LINGO2: variants seen among roughly 807,000 people sequenced by gnomAD.
LINGO2 encodes leucine rich repeat and Ig domain containing 2, also known as leucine-rich repeat and immunoglobulin-like domain-containing nogo receptor-interacting protein 2.
LINGO2 carries 14 observed loss-of-function variants against 30.6 expected under a neutral mutation model. The observed-to-expected ratio is 0.46, with a 90% confidence interval of 0.30 to 0.72. The LOEUF (loss-of-function observed/expected upper bound fraction) is 0.72. Ranked by LOEUF, LINGO2 falls within the 30% of genes least tolerant of loss-of-function variation. LINGO2 has a pLI of 0.07. For synonymous variants in LINGO2, 317 were observed against 288.5 expected (o/e 1.10, Z -1.00); for missense variants, 729 against 751.7 (o/e 0.97, Z 0.35).
intron 4 of LINGO2, among the ~76,000 whole-genome samples, chr9:28,205,324 C>A (rs963510196): frequency 6.6e-6 from 1 of 152,260 alleles, no homozygotes; most frequent in East Asian, 1.9e-4. Context: ...ACCTGGAATT[C>A]CTTTCCCCCA....
chr9:28,054,983 T>G (rs1232627488), intron 4 of LINGO2, among the ~76,000 whole-genome samples: 1 of 152,008 alleles, frequency 6.6e-6, no homozygotes, highest in Non-Finnish European at 1.5e-5. Flanking sequence ...TACATAAGCT[T>G]TACTGAAATT....
intron 1 of LINGO2, among the ~76,000 whole-genome samples, chr9:28,659,750 A>G (rs1374871133): frequency 6.6e-6 from 1 of 152,142 alleles, no homozygotes; most frequent in African/African-American, 2.4e-5. Context: ...TGCTTGGCCA[A>G]TGGCTGACTT....
chr9:28,738,579 A>G, the LINGO2 span, among the ~76,000 whole-genome samples: 1 of 152,112 alleles, frequency 6.6e-6, no homozygotes, highest in Non-Finnish European at 1.5e-5. Context: ...ATAAAATTTG[A>G]CAACAGAAAA....
intron 5 of LINGO2, among the ~76,000 whole-genome samples, chr9:27,983,368 A>G (rs923106059): frequency 1.3e-5 from 2 of 151,874 alleles, no homozygotes; most frequent in African/African-American, 4.8e-5. Flanking sequence ...CCTTAACGGA[A>G]AAGAGGCACA....
At chr9:27,993,202 A>G (rs964456963) in intron 5 of LINGO2, among the ~76,000 whole-genome samples, 5 of 152,082 alleles carry the variant, frequency 3.3e-5, no homozygotes, top group African/African-American at 1.2e-4. Context: ...TTAAATTGGT[A>G]ATTTTCCCCC....
At chr9:29,036,454 G>T in the LINGO2 span, among the ~76,000 whole-genome samples, 1 of 151,898 alleles carries the variant, frequency 6.6e-6, no homozygotes, top group South Asian at 2.1e-4. Context: ...TGAACTATGA[G>T]AAATAAATTA....
chr9:28,998,308 A>G, the LINGO2 span, among the ~76,000 whole-genome samples: 19 of 152,182 alleles, frequency 1.2e-4, no homozygotes, highest in Non-Finnish European at 8.8e-5. Context: ...ATGTGGGGAT[A>G]AGACGGGCAA....
the LINGO2 span, among the ~76,000 whole-genome samples, chr9:28,850,885 T>C: frequency 1.3e-5 from 2 of 152,048 alleles, no homozygotes; most frequent in Non-Finnish European, 2.9e-5. Flanking sequence ...TTTGAACATG[T>C]AGCATGTGTC....
chr9:28,705,274 T>A, the LINGO2 span, among the ~76,000 whole-genome samples: 34 of 152,188 alleles, frequency 2.2e-4, 1 homozygote, highest in African/African-American at 7.2e-4. Flanking sequence ...GAAATTATAG[T>A]AAATAGGCCT....
intron 4 of LINGO2, among the ~76,000 whole-genome samples, chr9:28,060,915 T>C (rs1370571604): frequency 6.6e-6 from 1 of 152,082 alleles, no homozygotes; most frequent in East Asian, 1.9e-4. Context: ...ACAGATACGC[T>C]GTTTCTTCTT....
intron 1 of LINGO2, among the ~76,000 whole-genome samples, chr9:28,578,281 G>C (rs1440008055): frequency 6.6e-6 from 1 of 152,110 alleles, no homozygotes; most frequent in East Asian, 1.9e-4. Flanking sequence ...GAGTTGAGGT[G>C]GGGAGGTGGG....
chr9:28,563,745 A>T (rs749527647), intron 1 of LINGO2, among the ~76,000 whole-genome samples: 39 of 152,056 alleles, frequency 2.6e-4, no homozygotes, highest in Non-Finnish European at 5.0e-4. Flanking sequence ...CTTTGTGGAG[A>T]CTATGATGCT....
At chr9:28,758,450 C>G in the LINGO2 span, among the ~76,000 whole-genome samples, 13 of 152,108 alleles carry the variant, frequency 8.5e-5, no homozygotes, top group Non-Finnish European at 1.3e-4. Context: ...AAAAAAAGTT[C>G]CTCTTACTGG....
the LINGO2 span, among the ~76,000 whole-genome samples, chr9:28,762,522 A>G: frequency 1.4e-4 from 21 of 152,058 alleles, no homozygotes; most frequent in Non-Finnish European, 2.8e-4. Flanking sequence ...TTGAGGTGAT[A>G]AGGAGGGTGT....
chr9:28,579,341 T>C (rs1034430268), intron 1 of LINGO2, among the ~76,000 whole-genome samples: 7 of 152,096 alleles, frequency 4.6e-5, no homozygotes, highest in East Asian at 1.9e-4. Flanking sequence ...GGAGGGGTAA[T>C]GACAGAAAAG....
At chr9:29,204,098 A>C in the LINGO2 span, among the ~76,000 whole-genome samples, 59 of 152,338 alleles carry the variant, frequency 3.9e-4, 1 homozygote, top group Non-Finnish European at 6.2e-4. Context: ...GGAATTATTC[A>C]AAGTAAGAAA....
chr9:29,165,109 AT>A, the LINGO2 span, among the ~76,000 whole-genome samples: 2 of 152,162 alleles, frequency 1.3e-5, no homozygotes, highest in African/African-American at 4.8e-5. Context: ...CTAAGAAAAC[AT>A]TTTTCAATTC....
At position 28,275,316 on chromosome 9, in the gene LINGO2, G is replaced by A. The variant is rs370861303; in HGVS notation, c.-87+19892C>T. Among the ~76,000 whole-genome samples the A allele has an allele frequency of 5.3e-5, 8 of 151,794 alleles. 1 individual carries two copies. Among genetic ancestry groups the A allele is most frequent in the African/African-American group, 1.2e-4 (5 of 41,378 alleles). On this transcript the variant is annotated intron_variant, in intron 4 of 5. Coordinates refer to ENST00000379992, the Ensembl canonical transcript of LINGO2. ...TCTCGACCTCCTGACCTCATGATCC[G>A]CCTACCTTGGCCTCCCAAAGTGCTG...
chr9:29,048,188 A>C, the LINGO2 span, among the ~76,000 whole-genome samples: 2 of 151,936 alleles, frequency 1.3e-5, 1 homozygote, highest in Non-Finnish European at 2.9e-5. Flanking sequence ...AAAATGTGAA[A>C]AAGAAATTTT....
Sources: allele counts gnomAD v4.1 joint callset (sites outside exome capture counted in the v4.1 genomes callset), GRCh38; gene constraint gnomAD v4.1.1; transcripts MANE v1.5; gene names NCBI Gene and HGNC (gene_info 2026-07-23, HGNC 2026-07-21).